Variants in HS6ST2 observed in about 807,000 individuals in gnomAD.
HS6ST2 encodes heparan sulfate 6-O-sulfotransferase 2.
In HS6ST2, 17 loss-of-function variants were observed where a neutral mutation model predicts 33.0. That is an observed-to-expected ratio of 0.52 (90% confidence interval 0.35 to 0.77). The LOEUF (loss-of-function observed/expected upper bound fraction) is 0.77. Ranked by LOEUF, HS6ST2 falls within the 30% of genes least tolerant of loss-of-function variation. HS6ST2 has a pLI of 0.01. For missense variants in HS6ST2, 519 were observed against 551.7 expected, an observed-to-expected ratio of 0.94 and a Z score of 0.59; for synonymous variants, 248 against 237.1, an observed-to-expected ratio of 1.05 and a Z score of -0.42.
intron 2 of HS6ST2, among the ~76,000 whole-genome samples, chrX:132,911,873 G>C (rs936761473): frequency 9.0e-6 from 1 of 111,143 alleles, no homozygotes; most frequent in Admixed American, 9.5e-5. Flanking sequence ...TCCTGACCTC[G>C]TGATCTGCCT....
chrX:132,901,986 C>T (rs890268193), intron 2 of HS6ST2, among the ~76,000 whole-genome samples: 1 of 110,781 alleles, frequency 9.0e-6, no homozygotes, highest in Admixed American at 9.7e-5. Flanking sequence ...TGAAGGAGTA[C>T]GGAGGGCACT....
chrX:132,728,608 G>C (rs1190110088), intron 2 of HS6ST2, among the ~76,000 whole-genome samples: 1 of 112,083 alleles, frequency 8.9e-6, no homozygotes, highest in Non-Finnish European at 1.9e-5. Flanking sequence ...AACATTCTCG[G>C]CTATAAGAGC....
intron 2 of HS6ST2, among the ~76,000 whole-genome samples, chrX:132,845,923 C>G: frequency 9.0e-6 from 1 of 111,585 alleles, no homozygotes; most frequent in Non-Finnish European, 1.9e-5. Flanking sequence ...CAGGGATTGG[C>G]ATGCTTTTCC....
chrX:132,763,929 C>T (rs2064823901), intron 2 of HS6ST2, among the ~76,000 whole-genome samples: 1 of 112,640 alleles, frequency 8.9e-6, no homozygotes, highest in African/African-American at 3.2e-5. Flanking sequence ...TGACAGATAG[C>T]ATGTTGGTGT....
At chrX:132,959,427 C>T (rs189786307), upstream of HS6ST2, among the ~76,000 whole-genome samples, 11 of 112,173 alleles carry the variant, frequency 9.8e-5, no homozygotes, top group East Asian at 3.1e-3. Context: ...GAGTGTGCAA[C>T]TCCCTCCAGT....
chrX:132,752,846 A>G (rs747006231), intron 2 of HS6ST2, among the ~76,000 whole-genome samples: 5 of 112,080 alleles, frequency 4.5e-5, no homozygotes, highest in Admixed American at 3.8e-4. Flanking sequence ...GTCCTCTCTA[A>G]TTGGTATTGA....
chrX:132,832,465 C>T (rs1752316321), intron 2 of HS6ST2, among the ~76,000 whole-genome samples: 1 of 111,510 alleles, frequency 9.0e-6, no homozygotes, highest in South Asian at 3.7e-4. Context: ...ATATTTAATC[C>T]AGAGTACACG....
intron 2 of HS6ST2, among the ~76,000 whole-genome samples, chrX:132,885,933 A>C (rs1639765199): frequency 8.9e-6 from 1 of 112,219 alleles, no homozygotes; most frequent in Admixed American, 9.5e-5. Flanking sequence ...ACAAACAAAC[A>C]AAGAAAAACA....
At chrX:132,869,229 G>A (rs1016669606) in intron 2 of HS6ST2, among the ~76,000 whole-genome samples, 5 of 111,546 alleles carry the variant, frequency 4.5e-5, no homozygotes, top group African/African-American at 1.6e-4. Flanking sequence ...GAGTAAACCA[G>A]GAAGAAGTCA....
chrX:132,891,547 C>A (rs1397879127), intron 2 of HS6ST2, among the ~76,000 whole-genome samples: 2 of 109,365 alleles, frequency 1.8e-5, no homozygotes, highest in Admixed American at 2.0e-4. Flanking sequence ...CCCCCCACCC[C>A]ACAACAGGCC....
At chrX:132,796,834 C>T (rs2065184879) in intron 2 of HS6ST2, among the ~76,000 whole-genome samples, 1 of 112,413 alleles carries the variant, frequency 8.9e-6, no homozygotes, top group Non-Finnish European at 1.9e-5. Context: ...TTTTTGGAGC[C>T]AATTACCCCC....
chrX:132,858,058 A>G (rs2065871033), intron 2 of HS6ST2, among the ~76,000 whole-genome samples: 1 of 111,738 alleles, frequency 8.9e-6, no homozygotes, highest in African/African-American at 3.3e-5. Flanking sequence ...ACAGTTTAAA[A>G]TGACCCTCAC....
intron 2 of HS6ST2, among the ~76,000 whole-genome samples, chrX:132,852,524 G>A (rs754240644): frequency 1.8e-5 from 2 of 111,981 alleles, no homozygotes; most frequent in South Asian, 3.8e-4. Flanking sequence ...GAACATTGTT[G>A]CAGCAGATGT....
chrX:132,846,077 A>G, intron 2 of HS6ST2, among the ~76,000 whole-genome samples: 1 of 111,995 alleles, frequency 8.9e-6, no homozygotes, highest in Non-Finnish European at 1.9e-5. Flanking sequence ...CATAAGGACA[A>G]TGAAATGTGA....
At chrX:132,865,377 T>C (rs1446513335) in intron 2 of HS6ST2, among the ~76,000 whole-genome samples, 1 of 110,751 alleles carries the variant, frequency 9.0e-6, no homozygotes, top group Non-Finnish European at 1.9e-5. Flanking sequence ...CAGTCTATCA[T>C]TGTTGGACAT....
At chrX:132,959,671 A>G (rs1045811320), upstream of HS6ST2, among the ~76,000 whole-genome samples, 1 of 112,196 alleles carries the variant, frequency 8.9e-6, no homozygotes, top group African/African-American at 3.2e-5. Context: ...AGTCCTGGGA[A>G]ATCTGTCCCT....
chrX:132,779,940 T>C (rs774711317), intron 2 of HS6ST2, among the ~76,000 whole-genome samples: 17 of 111,064 alleles, frequency 1.5e-4, no homozygotes, highest in African/African-American at 5.6e-4. Context: ...AGTCCCTAGC[T>C]CCAGCTCCAC....
At chrX:132,927,411 T>A (rs1284572311) in intron 2 of HS6ST2, among the ~76,000 whole-genome samples, 1 of 111,831 alleles carries the variant, frequency 8.9e-6, no homozygotes, top group Non-Finnish European at 1.9e-5. Context: ...AAAGTCCCAA[T>A]GCCTTCTCAC....
At chrX:132,698,991 T>C (rs1415164231) in intron 3 of HS6ST2, among the ~76,000 whole-genome samples, 1 of 112,090 alleles carries the variant, frequency 8.9e-6, no homozygotes, top group Non-Finnish European at 1.9e-5. Context: ...ATCACATTAC[T>C]GGAAAATCAC....
Sources: gnomAD v4.1 joint callset for allele counts (sites outside exome capture counted in the v4.1 genomes callset) on GRCh38, gnomAD v4.1.1 for gene constraint, MANE v1.5 for transcripts, NCBI Gene and HGNC (gene_info 2026-07-23, HGNC 2026-07-21) for gene names.